LHX6: variants seen among roughly 807,000 people sequenced by gnomAD.
LHX6 encodes LIM homeobox 6.
A neutral mutation model predicts 47.1 loss-of-function variants in LHX6; 15 were observed. That is an observed-to-expected ratio of 0.32 (90% CI 0.21 to 0.49). The LOEUF (loss-of-function observed/expected upper bound fraction) is 0.49, where lower values mean the gene tolerates loss of function less well. Ranked by LOEUF, LHX6 falls within the 20% of genes least tolerant of loss-of-function variation. LHX6 has a pLI of 0.99. For synonymous variants in LHX6, 242 were observed against 233.5 expected, an observed-to-expected ratio of 1.04 and a Z score of -0.33; for missense variants, 404 against 539.6, an observed-to-expected ratio of 0.75 and a Z score of 2.49.
At chr9:122,219,597 C>T (rs1407100469) in intron 4 of LHX6, among the ~76,000 whole-genome samples, 1 of 152,166 alleles carries the variant, frequency 6.6e-6, no homozygotes, top group Non-Finnish European at 1.5e-5. Context: ...AGCCCAGCCG[C>T]GCGTAGAGAC....
chr9:122,225,123 C>T (rs950632985), intron 4 of LHX6, among the ~76,000 whole-genome samples: 3 of 152,190 alleles, frequency 2.0e-5, no homozygotes, highest in South Asian at 4.1e-4. Context: ...AGGAGGAGAT[C>T]GCCTTCCACC....
intron 4 of LHX6, among the ~76,000 whole-genome samples, chr9:122,222,090 A>G (rs1830886859): frequency 6.6e-6 from 1 of 152,248 alleles, no homozygotes; most frequent in Non-Finnish European, 1.5e-5. Context: ...TCCATACGTT[A>G]TGATGACTGG....
At chr9:122,211,262 A>G (rs990298365) in intron 8 of LHX6, among the ~76,000 whole-genome samples, 2 of 152,220 alleles carry the variant, frequency 1.3e-5, no homozygotes, top group African/African-American at 2.4e-5. Flanking sequence ...CTTCTGAGCC[A>G]CAGTTCTCCC....
chr9:122,221,705 C>A, intron 4 of LHX6: 3 of 985,496 alleles, frequency 3.0e-6, no homozygotes, highest in Non-Finnish European at 3.6e-6. Flanking sequence ...TCACTCCTGC[C>A]TAAGTGTTGC....
intron 9 of LHX6, among the ~76,000 whole-genome samples, chr9:122,205,744 C>T (rs1448088902): frequency 6.6e-6 from 1 of 152,198 alleles, no homozygotes; most frequent in Non-Finnish European, 1.5e-5. Flanking sequence ...GCACCAGGCT[C>T]TGTGCTGGGC....
intron 9 of LHX6, among the ~76,000 whole-genome samples, chr9:122,208,221 C>A (rs1830259117): frequency 6.6e-6 from 1 of 152,194 alleles, no homozygotes; most frequent in Non-Finnish European, 1.5e-5. Context: ...TGCTGAATGG[C>A]TCAGGGTTCC....
At chr9:122,221,070 C>T (rs770855870) in intron 4 of LHX6, 4 of 985,036 alleles carry the variant, frequency 4.1e-6, no homozygotes, top group African/African-American at 1.7e-5. Flanking sequence ...GCCGAGAGGC[C>T]GAAACTCAAA....
At chr9:122,228,351 G>C (rs1481283698) in intron 1 of LHX6, 2 of 1,531,028 alleles carry the variant, frequency 1.3e-6, no homozygotes, top group Non-Finnish European at 1.7e-6. Context: ...CACAACCCCC[G>C]GCGCATCGGC....
chr9:122,214,036 G>A lies in LHX6; in HGVS notation c.817C>T (p.Pro273Ser). 1 of 1,602,594 alleles carries A rather than the reference G, an allele frequency of 6.2e-7. No homozygotes were observed. Among genetic ancestry groups the A allele is most frequent in the Non-Finnish European group, 8.5e-7 (1 of 1,179,600 alleles). Residue 273 changes from proline to serine, a missense_variant, in exon 7 of 10, where the codon CCC becomes TCC. Physicochemically the swap from Pro to Ser is moderately conservative, Grantham distance 74. This residue lies in a region of LHX6 where 23 missense variants were observed against 28.6 expected (regional missense o/e 0.80). Coordinates refer to ENST00000394319, the MANE Select transcript of LHX6 (RefSeq NM_014368.5). This position sits in a 1 kb window ranked among gnomAD's most constrained non-coding sequence, Gnocchi z 4.6. Reference protein sequence around the residue: ...MQAQFAQDNNPDAQTLQKLAD... With the variant: ...MQAQFAQDNNSDAQTLQKLAD... ...AGCTTCTGCAGCGTCTGAGCGTCGG[G>A]GTTGTTGTCCTGCGCGAACTGCGCC...
Position 122,228,943 on chromosome 9 carries a change from G to A in LHX6, c.-203C>T, listed in dbSNP as rs567605809. On this transcript the variant is annotated 5_prime_UTR_variant, in exon 1 of 10. Transcript: ENST00000394319. Reference sequence around the variant, plus strand: ...CCTGGCTGCTGCCGCCGCTGCCTCGGAAGAAGGTCCCGACAAACTTGGAGA... The same window carrying A: ...CCTGGCTGCTGCCGCCGCTGCCTCGAAAGAAGGTCCCGACAAACTTGGAGA... 1.2e-4 allele frequency: 22 copies of A among 186,184 alleles called. 1 individual carries two copies. The South Asian group carries it at 3.7e-3, about 31-fold the overall frequency. The allele number at this position is 186,184 out of a possible 1,614,324, so 11.5% of individuals were successfully genotyped here.
Position 122,214,461 on chromosome 9 carries a change from G to A in LHX6, c.683-78C>T. 1.4e-6 allele frequency: 2 copies of A among 1,427,742 alleles called. No homozygotes were observed. Among genetic ancestry groups the A allele is most frequent in the Non-Finnish European group, 9.1e-7 (1 of 1,095,182 alleles). The allele number at this position is 1,427,742 out of a possible 1,614,324, so 88.4% of individuals were successfully genotyped here. ...CCTGGAAAGGACGGGGGTGGGGGGAGCTTGTCCCTGGAAGGGTCAGGAGCG... is the reference window on the plus strand; with the variant it reads ...CCTGGAAAGGACGGGGGTGGGGGGAACTTGTCCCTGGAAGGGTCAGGAGCG... On this transcript the variant is annotated intron_variant, in intron 5 of 9. Coordinates refer to ENST00000394319, the MANE Select transcript of LHX6 (RefSeq NM_014368.5). The surrounding 1 kb of genome is among the most constrained non-coding windows in gnomAD (Gnocchi z 4.6).
intron 4 of LHX6, among the ~76,000 whole-genome samples, chr9:122,222,940 C>T (rs560526981): frequency 3.3e-5 from 5 of 152,280 alleles, no homozygotes; most frequent in African/African-American, 9.6e-5. Context: ...GACCCTTGAC[C>T]CCGGGCTTCA....
Position 122,217,212 on chromosome 9 carries a change from C to A in LHX6, c.538G>T (p.Ala180Ser). The A allele has an allele frequency of 1.2e-6, 2 of 1,614,164 alleles. No homozygotes were observed. The highest frequency in any genetic ancestry group is 1.7e-6 in the Non-Finnish European group (2 of 1,180,024). ...CAGGCGAAGCAGGCCAGGTGGTAGGCGTTGCCGCGAGCTCTCCGCACCCAG... is the reference window on the plus strand; with the variant it reads ...CAGGCGAAGCAGGCCAGGTGGTAGGAGTTGCCGCGAGCTCTCCGCACCCAG... ...SDWVRRARGN[A>S]YHLACFACFS... Residue 180 changes from alanine to serine, a missense_variant, in exon 5 of 10, where the codon GCC becomes TCC. Coordinates refer to ENST00000394319, the MANE Select transcript of LHX6 (RefSeq NM_014368.5). The surrounding 1 kb of genome is among the most constrained non-coding windows in gnomAD (Gnocchi z 4.9).
At chr9:122,206,683 C>T (rs180744540) in intron 9 of LHX6, among the ~76,000 whole-genome samples, 3 of 152,296 alleles carry the variant, frequency 2.0e-5, no homozygotes, top group Admixed American at 2.0e-4. Context: ...GCTGAGCAAC[C>T]AGGAGGCAAA....
chr9:122,228,422 C>A, intron 1 of LHX6: 1 of 1,471,138 alleles, frequency 6.8e-7, no homozygotes, highest in South Asian at 1.3e-5. Flanking sequence ...TCGCCTGTGT[C>A]TTTACTAAAT....
Position 122,214,059 on chromosome 9 carries a change from G to A in LHX6, c.794C>T (p.Ala265Val), listed in dbSNP as rs935336920. Residue 265 changes from alanine to valine, a missense_variant, in exon 7 of 10, where the codon GCG (alanine) becomes GTG (valine). By Grantham distance (64) the Ala-to-Val change is moderately conservative. Transcript: ENST00000394319. This position sits in a 1 kb window ranked among gnomAD's most constrained non-coding sequence, Gnocchi z 4.6. ...GGGGTTGTTGTCCTGCGCGAACTGC[G>A]CCTGCATAACCTGCGGGGCGGGGAG... is the stretch of plus-strand genomic sequence containing the variant. ...FTAEQLQVMQ[A>V]QFAQDNNPDA... 2 of 1,601,648 alleles carry A rather than the reference G, an allele frequency of 1.2e-6. No homozygotes were observed. The highest frequency in any genetic ancestry group is 1.7e-6 in the Non-Finnish European group (2 of 1,179,474).
At chr9:122,207,115 A>G (rs377598117) in intron 9 of LHX6, among the ~76,000 whole-genome samples, 5 of 152,280 alleles carry the variant, frequency 3.3e-5, no homozygotes, top group African/African-American at 1.2e-4. Context: ...GCCAGGTCTA[A>G]TAGGATGAAT....
Position 122,227,421 on chromosome 9 carries a change from C to T in LHX6, c.144G>A (p.Ala48=). The T allele has an allele frequency of 3.7e-6, 5 of 1,333,600 alleles. No individual in the cohort carries two copies. The highest frequency in any genetic ancestry group is 4.9e-6 in the Non-Finnish European group (5 of 1,016,808). The allele number at this position is 1,333,600 out of a possible 1,614,324, so 82.6% of individuals were successfully genotyped here. The stretch of plus-strand genomic sequence containing the variant: ...CAAACGGACTCACCATGGCGGGCGG[C>T]GCGGTCCCTTCAAGACAGCGGGTGG... The part of the protein sequence containing the change: ...KATTRCLEGT[A]PPAMAQSDAE... The change falls in exon 2 of 10, where the codon GCG becomes GCA. Residue 48 remains alanine, a synonymous_variant. Coordinates refer to ENST00000394319, the MANE Select transcript of LHX6 (RefSeq NM_014368.5).
At position 122,202,880 on chromosome 9, in the gene LHX6, T is replaced by A. The variant is rs1830039889; in HGVS notation, c.*1880A>T. 6.6e-6 allele frequency: 1 copy of A among 152,154 alleles called. No individual in the cohort carries two copies. The highest frequency in any genetic ancestry group is 2.1e-4 in the South Asian group (1 of 4,798). The allele number at this position is 152,154 out of a possible 1,614,324, so 9.4% of individuals were successfully genotyped here. On this transcript the variant is annotated 3_prime_UTR_variant, in exon 10 of 10. Coordinates refer to ENST00000394319, the MANE Select transcript of LHX6 (RefSeq NM_014368.5). ...CCCTGAGGAGAGGCTCAAGGCAGAG[T>A]GTGTTGGGTGACCCTGGGTAGGGCT... is the stretch of plus-strand genomic sequence containing the variant.
Sources: gnomAD v4.1 joint callset for allele counts (sites outside exome capture counted in the v4.1 genomes callset) on GRCh38, gnomAD v4.1.1 for gene constraint, gnomAD v4.1.1 regional missense constraint, Gnocchi (gnomAD v3.1) non-coding constraint, MANE v1.5 for transcripts, NCBI Gene and HGNC (gene_info 2026-07-23, HGNC 2026-07-21) for gene names.